PCDH15: variants seen among roughly 807,000 people sequenced by gnomAD.
PCDH15 encodes protocadherin-15.
A neutral mutation model predicts 178.5 loss-of-function variants in PCDH15; 129 were observed. That is an observed-to-expected ratio of 0.72 (90% CI 0.63 to 0.84). PCDH15 has a LOEUF of 0.84. Ranked by LOEUF, PCDH15 falls within the 40% of genes least tolerant of loss-of-function variation. The pLI, the probability that PCDH15 is intolerant of heterozygous loss-of-function variation, is 0.00. For missense variants in PCDH15, 2,230 were observed against 2,099.9 expected, an observed-to-expected ratio of 1.06 and a Z score of -1.21; for synonymous variants, 800 against 732.0, an observed-to-expected ratio of 1.09 and a Z score of -1.50.
intron 8 of PCDH15, among the ~76,000 whole-genome samples, chr10:54,278,915 C>T (rs2043999): frequency 0.49 from 73,432 of 151,242 alleles, 18,923 homozygotes; most frequent in Middle Eastern, 0.6. Context: ...TTCAACCTAC[C>T]GCATCCTTAG....
intron 37 of PCDH15, chr10:53,808,330 G>A (rs10733923): frequency 0.76 from 154,777 of 202,834 alleles, 55,638 homozygotes; most frequent in Admixed American, 0.9. Flanking sequence ...GTGTGTGTGT[G>A]TATATATATA....
chr10:54,208,208 T>C (rs928039259), intron 10 of PCDH15, among the ~76,000 whole-genome samples: 2 of 152,076 alleles, frequency 1.3e-5, no homozygotes, highest in Non-Finnish European at 2.9e-5. Context: ...TAACAAGTAA[T>C]GCCTGAAATT....
At chr10:54,343,849 T>G (rs539843572) in intron 6 of PCDH15, among the ~76,000 whole-genome samples, 4 of 145,638 alleles carry the variant, frequency 2.7e-5, no homozygotes, top group Non-Finnish European at 6.0e-5. Context: ...AAAAAAAGAT[T>G]TGCAACAAAA....
At chr10:55,506,728 A>T (rs889055765) in intron 2 of PCDH15, among the ~76,000 whole-genome samples, 1 of 151,564 alleles carries the variant, frequency 6.6e-6, no homozygotes, top group Non-Finnish European at 1.5e-5. Context: ...ATCCTTCAGC[A>T]TGTGCATATA....
chr10:55,533,482 C>T (rs760898968), intron 2 of PCDH15, among the ~76,000 whole-genome samples: 1 of 151,654 alleles, frequency 6.6e-6, no homozygotes, highest in African/African-American at 2.4e-5. Context: ...TTACAATAGC[C>T]GCAAATAAAA....
chr10:55,596,294 CT>C (rs1029518581), intron 2 of PCDH15, among the ~76,000 whole-genome samples: 5 of 151,942 alleles, frequency 3.3e-5, no homozygotes, highest in African/African-American at 9.7e-5. Flanking sequence ...TTTGATCCTA[CT>C]TTTTTTTCTT....
intron 1 of PCDH15, among the ~76,000 whole-genome samples, chr10:55,296,935 AT>A (rs1457098640): frequency 3.3e-5 from 5 of 152,114 alleles, no homozygotes; most frequent in African/African-American, 9.7e-5. Context: ...CTATTTTGTA[AT>A]TGTATAATTG....
rs1441687621 is a variant in PCDH15, at chr10:54,023,148, C to G, written c.2270G>C (p.Gly757Ala). The G allele has an allele frequency of 6.2e-7, 1 of 1,613,740 alleles. No individual in the cohort carries two copies. The highest frequency in any genetic ancestry group is 8.5e-7 in the Non-Finnish European group (1 of 1,179,864). ...GINGQVHYSL[G>A]NFNNLFRITS... ...GATACGAAAAAGATTATTAAAGTTACCCAAACTGTAGTGCACTTGACCATT... is the reference window on the plus strand; with the variant it reads ...GATACGAAAAAGATTATTAAAGTTAGCCAAACTGTAGTGCACTTGACCATT... Residue 757 changes from glycine (G) to alanine (A), a missense_variant, in exon 19 of 38, where the codon GGT becomes GCT. Coordinates refer to ENST00000644397, the MANE Select transcript of PCDH15 (RefSeq NM_001384140.1).
At chr10:53,911,202 G>A (rs762090090) in intron 25 of PCDH15, among the ~76,000 whole-genome samples, 1 of 152,040 alleles carries the variant, frequency 6.6e-6, no homozygotes, top group Non-Finnish European at 1.5e-5. Context: ...TGACCACATA[G>A]TTGGAAGTAA....
chr10:55,423,625 T>G (rs1442503873), intron 2 of PCDH15, among the ~76,000 whole-genome samples: 1 of 152,066 alleles, frequency 6.6e-6, no homozygotes, highest in Non-Finnish European at 1.5e-5. Flanking sequence ...TATAGGAGCT[T>G]GTTGATGGAA....
chr10:55,145,937 C>A (rs1269805250), intron 2 of PCDH15, among the ~76,000 whole-genome samples: 2 of 151,830 alleles, frequency 1.3e-5, no homozygotes, highest in Non-Finnish European at 2.9e-5. Context: ...ACATACTGAC[C>A]AAAGGTAAAG....
Position 55,118,677 on chromosome 10 carries a change from A to G in PCDH15, c.-80+47899T>C, listed in dbSNP as rs186917985. ...ACTAGCCACCAAAGGGTCTTGTAAA[A>G]ATGCAGATTCTGATTCAATAGGTTA... On this transcript the variant is annotated intron_variant, in intron 2 of 5. Transcript: ENST00000458638. 5.1e-3 allele frequency among the ~76,000 whole-genome samples: 780 copies of G among 152,286 alleles called. 18 individuals are homozygous for G. The highest frequency in any genetic ancestry group is 3.5e-3 in the Non-Finnish European group (235 of 68,012).
chr10:54,945,140 G>T (rs969273731), intron 2 of PCDH15, among the ~76,000 whole-genome samples: 1 of 151,580 alleles, frequency 6.6e-6, no homozygotes, highest in Admixed American at 6.6e-5. Context: ...TTATATTTTT[G>T]TTGAAAGATA....
chr10:54,099,916 C>T (rs1417934108), intron 15 of PCDH15, among the ~76,000 whole-genome samples: 2 of 152,100 alleles, frequency 1.3e-5, no homozygotes, highest in East Asian at 3.8e-4. Flanking sequence ...CACTTTTAGC[C>T]ACCTAGGGTC....
chr10:53,813,889 A>T (rs565926990), intron 35 of PCDH15, among the ~76,000 whole-genome samples: 2 of 152,294 alleles, frequency 1.3e-5, no homozygotes, highest in South Asian at 4.1e-4. Context: ...CTTGAGGGGC[A>T]TGTGCACTCT....
Position 55,431,288 on chromosome 10 carries a change from G to T in PCDH15, c.-156+196337C>A, listed in dbSNP as rs367975770. Among the ~76,000 whole-genome samples, 4 of 152,186 alleles carry T rather than the reference G, an allele frequency of 2.6e-5. No individual in the cohort carries two copies. The East Asian group carries it at 5.8e-4, about 22-fold the overall frequency. On this transcript the variant is annotated intron_variant, in intron 2 of 5. Coordinates refer to the PCDH15 transcript ENST00000613346. ...AATGAAATGAAATCTTCTCACTGTT[G>T]CCTTTAATTTGTTTTTGTTTTAATG...
chr10:53,922,530 A>G (rs2084087148), intron 25 of PCDH15, among the ~76,000 whole-genome samples: 1 of 152,172 alleles, frequency 6.6e-6, no homozygotes, highest in Non-Finnish European at 1.5e-5. Flanking sequence ...GTAATTTCAT[A>G]TATACAATTT....
chr10:54,462,207 T>C (rs992397314), intron 3 of PCDH15, among the ~76,000 whole-genome samples: 2 of 152,056 alleles, frequency 1.3e-5, no homozygotes, highest in African/African-American at 4.8e-5. Flanking sequence ...ATGTTGAAAA[T>C]CTTTAGGACT....
intron 20 of PCDH15, among the ~76,000 whole-genome samples, chr10:54,010,779 C>T (rs1193718609): frequency 1.3e-5 from 2 of 152,150 alleles, no homozygotes; most frequent in African/African-American, 2.4e-5. Context: ...GTGTCTGTTT[C>T]CCGTGAGCCC....
Sources: gnomAD v4.1 joint callset for allele counts (sites outside exome capture counted in the v4.1 genomes callset) on GRCh38, gnomAD v4.1.1 for gene constraint, MANE v1.5 for transcripts, NCBI Gene and HGNC (gene_info 2026-07-23, HGNC 2026-07-21) for gene names.